The following NSUN6 variants were observed in gnomAD, a reference collection of about 807,000 sequenced individuals.
The protein encoded by NSUN6 is tRNA (cytosine(72)-C(5))-methyltransferase NSUN6.
In NSUN6, 64 loss-of-function variants were observed where a neutral mutation model predicts 58.0. The observed-to-expected ratio is 1.10, with a 90% CI of 0.90 to 1.36. The LOEUF (loss-of-function observed/expected upper bound fraction) is 1.36, where lower values mean the gene tolerates loss of function less well. Ranked by LOEUF, NSUN6 falls within the 40% of genes most tolerant of loss-of-function variation. NSUN6 has a pLI of 0.00. For missense variants in NSUN6, 701 were observed against 550.1 expected (o/e 1.27, Z -2.74); for synonymous variants, 231 against 193.9 (o/e 1.19, Z -1.59).
At chr10:18,620,823 T>C (rs766882732) in intron 3 of NSUN6, among the ~76,000 whole-genome samples, 5 of 152,264 alleles carry the variant, frequency 3.3e-5, no homozygotes, top group Non-Finnish European at 5.9e-5. Flanking sequence ...CTATGTCTCA[T>C]TCATCTTTGT....
intron 8 of NSUN6, among the ~76,000 whole-genome samples, chr10:18,583,204 C>T (rs1247539398): frequency 2.8e-4 from 42 of 152,178 alleles, no homozygotes; most frequent in Admixed American, 2.6e-3. Context: ...AGGATCTCTC[C>T]ACCACGCATC....
chr10:18,623,729 A>C (rs556426599), intron 3 of NSUN6, among the ~76,000 whole-genome samples: 27 of 152,342 alleles, frequency 1.8e-4, no homozygotes, highest in Middle Eastern at 3.4e-3. Context: ...ATAGCAACCA[A>C]CTTTGCTGCT....
Position 18,596,237 on chromosome 10 carries a change from T to A in NSUN6, c.748A>T (p.Thr250Ser). ...TCATGCATTAGTGCTGCAATGTGTG[T>A]TGTTTTCCCTCCAGGTGCTGCACAC... Reference protein sequence around the residue: ...DLCAAPGGKTTHIAALMHDQG... With the variant: ...DLCAAPGGKTSHIAALMHDQG... Residue 250 changes from threonine to serine, a missense_variant, in exon 7 of 11, where the codon ACA (threonine) becomes TCA (serine). By Grantham distance (58) the Thr-to-Ser change is moderately conservative. Coordinates refer to ENST00000377304, the MANE Select transcript of NSUN6 (RefSeq NM_182543.5). The A allele has an allele frequency of 6.2e-7, 1 of 1,611,518 alleles. No homozygotes were observed. Among genetic ancestry groups the A allele is most frequent in the Non-Finnish European group, 8.5e-7 (1 of 1,177,642 alleles).
At chr10:18,591,747 C>G (rs1425316283) in intron 7 of NSUN6, among the ~76,000 whole-genome samples, 2 of 152,090 alleles carry the variant, frequency 1.3e-5, no homozygotes, top group Non-Finnish European at 2.9e-5. Context: ...TGTGACAAAC[C>G]CGTAGCCAAC....
At chr10:18,589,890 T>A (rs2057312735) in intron 7 of NSUN6, among the ~76,000 whole-genome samples, 1 of 152,126 alleles carries the variant, frequency 6.6e-6, no homozygotes, top group South Asian at 2.1e-4. Context: ...GATGACAGGA[T>A]CAAATTCACA....
chr10:18,649,197 T>G (rs1463154055), intron 1 of NSUN6, among the ~76,000 whole-genome samples: 1 of 152,150 alleles, frequency 6.6e-6, no homozygotes, highest in Non-Finnish European at 1.5e-5. Context: ...CAAATATATA[T>G]TATCCAAAAA....
rs151294962 is a variant in NSUN6, at chr10:18,619,510, C to T, written c.312-3217G>A. ...CTCCTTTCCCATACCTTCAACCCCCCAATAATAACTCACATGCTTGCTGTT... is the reference window on the plus strand; with the variant it reads ...CTCCTTTCCCATACCTTCAACCCCCTAATAATAACTCACATGCTTGCTGTT... On this transcript the variant is annotated intron_variant, in intron 3 of 10. Transcript: ENST00000377304. Among the ~76,000 whole-genome samples, 11 of 152,284 alleles carry T rather than the reference C, an allele frequency of 7.2e-5. No homozygotes were observed. The East Asian group carries it at 1.5e-3, about 21-fold the overall frequency.
chr10:18,635,147 T>C (rs112534424), intron 3 of NSUN6, among the ~76,000 whole-genome samples: 91 of 152,322 alleles, frequency 6.0e-4, no homozygotes, highest in African/African-American at 2.2e-3. Context: ...AAGCCTCTGA[T>C]GAGCTTTTCT....
intron 2 of NSUN6, among the ~76,000 whole-genome samples, chr10:18,644,914 CTG>C (rs1242580594): frequency 6.6e-6 from 1 of 150,556 alleles, no homozygotes; most frequent in Non-Finnish European, 1.5e-5. Context: ...TCCCAGCACT[CTG>C]TGAGGCCGAA....
At chr10:18,607,344 C>T (rs2058081643) in intron 6 of NSUN6, among the ~76,000 whole-genome samples, 1 of 152,104 alleles carries the variant, frequency 6.6e-6, no homozygotes, top group South Asian at 2.1e-4. Context: ...TTTTAAAATT[C>T]CACATTCTTC....
At chr10:18,657,775 G>C (rs540247339), upstream of NSUN6, among the ~76,000 whole-genome samples, 7 of 151,892 alleles carry the variant, frequency 4.6e-5, no homozygotes, top group Admixed American at 2.6e-4. Flanking sequence ...CACCACACCC[G>C]GCTAATTTTT....
intron 1 of NSUN6, among the ~76,000 whole-genome samples, chr10:18,650,151 A>T (rs1309945638): frequency 6.6e-6 from 1 of 152,218 alleles, no homozygotes; most frequent in Non-Finnish European, 1.5e-5. Context: ...TGCAAACAAA[A>T]TTAACATTTT....
chr10:18,656,960 G>A (rs556066372), upstream of NSUN6, among the ~76,000 whole-genome samples: 3 of 151,384 alleles, frequency 2.0e-5, no homozygotes, highest in South Asian at 2.1e-4. Context: ...CTCATTAGTC[G>A]GGACTACACA....
intron 6 of NSUN6, among the ~76,000 whole-genome samples, chr10:18,605,782 G>T (rs1467302733): frequency 6.6e-6 from 1 of 152,170 alleles, no homozygotes. Context: ...GGGTGCAACA[G>T]TATGAAACAT....
At chr10:18,636,540 G>A (rs551625072) in intron 3 of NSUN6, among the ~76,000 whole-genome samples, 7 of 151,940 alleles carry the variant, frequency 4.6e-5, no homozygotes, top group African/African-American at 1.7e-4. Context: ...CTAGGTGGTA[G>A]GAATTTTAGG....
chr10:18,572,006 C>T (rs912672823), intron 8 of NSUN6, among the ~76,000 whole-genome samples: 2 of 151,144 alleles, frequency 1.3e-5, no homozygotes, highest in African/African-American at 4.9e-5. Context: ...CATTCCATTC[C>T]ATTCTCCATT....
chr10:18,608,610 G>C (rs2058121355), intron 6 of NSUN6, among the ~76,000 whole-genome samples: 1 of 141,920 alleles, frequency 7.0e-6, no homozygotes, highest in African/African-American at 2.6e-5. Context: ...CTGCACTCGA[G>C]CCTGCGTGAC....
chr10:18,654,620 T>G (rs1013598258), upstream of NSUN6: 6 of 152,326 alleles, frequency 3.9e-5, no homozygotes, highest in African/African-American at 1.4e-4. Flanking sequence ...CAGTGGCTCA[T>G]GCCTGTAATC....
At chr10:18,554,785 T>C (rs1170433992) in intron 8 of NSUN6, among the ~76,000 whole-genome samples, 1 of 145,256 alleles carries the variant, frequency 6.9e-6, no homozygotes, top group Non-Finnish European at 1.5e-5. Context: ...ATGGAATGTA[T>C]TACAATGGAG....
Sources: allele counts gnomAD v4.1 joint callset (sites outside exome capture counted in the v4.1 genomes callset), GRCh38; gene constraint gnomAD v4.1.1; transcripts MANE v1.5; gene names NCBI Gene and HGNC (gene_info 2026-07-23, HGNC 2026-07-21).